Variants in MAP2 observed in about 807,000 individuals in gnomAD.
The protein encoded by MAP2 is microtubule associated protein 2.
MAP2 carries 14 observed loss-of-function variants against 137.6 expected under a neutral mutation model. That is an observed-to-expected ratio of 0.10 (90% CI 0.07 to 0.16). The LOEUF is 0.16. Among genes scored for constraint, MAP2 ranks in the 10% least tolerant of loss-of-function variants. MAP2 has a pLI of 1.00. For missense variants in MAP2, 2,088 were observed against 2,191.5 expected, an observed-to-expected ratio of 0.95 and a Z score of 0.94; for synonymous variants, 786 against 782.3, an observed-to-expected ratio of 1.00 and a Z score of -0.08.
chr2:209,687,379 A>C (rs1437738848), intron 7 of MAP2, among the ~76,000 whole-genome samples: 4 of 151,932 alleles, frequency 2.6e-5, no homozygotes, highest in African/African-American at 9.7e-5. Flanking sequence ...TTTGTTTTGT[A>C]ATGCTTTGTT....
At chr2:209,440,274 G>A (rs570842770) in intron 1 of MAP2, among the ~76,000 whole-genome samples, 5 of 151,498 alleles carry the variant, frequency 3.3e-5, no homozygotes, top group African/African-American at 1.2e-4. Flanking sequence ...AATCCCAAAA[G>A]GTTTAACAAA....
At chr2:209,582,235 AT>A (rs199995764) in intron 3 of MAP2, among the ~76,000 whole-genome samples, 48 of 149,056 alleles carry the variant, frequency 3.2e-4, no homozygotes, top group African/African-American at 9.1e-4. Context: ...ACATCTGGTC[AT>A]TTTTTTTTTA....
At chr2:209,464,323 CA>C (rs1703602709) in intron 1 of MAP2, among the ~76,000 whole-genome samples, 1 of 152,072 alleles carries the variant, frequency 6.6e-6, no homozygotes, top group Non-Finnish European at 1.5e-5. Context: ...TAGGAACTCA[CA>C]ACCATCTATT....
At chr2:209,623,630 G>A (rs977185691) in intron 3 of MAP2, among the ~76,000 whole-genome samples, 1 of 152,056 alleles carries the variant, frequency 6.6e-6, no homozygotes, top group African/African-American at 2.4e-5. Context: ...AACTTAGAAG[G>A]TTTAATTTGC....
intron 2 of MAP2, among the ~76,000 whole-genome samples, chr2:209,538,521 C>T (rs573048568): frequency 2.1e-5 from 3 of 145,826 alleles, no homozygotes; most frequent in Non-Finnish European, 3.0e-5. Flanking sequence ...TCAGAGCAAA[C>T]GGACAGAAGA....
intron 3 of MAP2, among the ~76,000 whole-genome samples, chr2:209,600,297 T>C (rs2082605129): frequency 1.3e-5 from 2 of 152,208 alleles, no homozygotes; most frequent in South Asian, 4.1e-4. Flanking sequence ...ACAACCTAAA[T>C]TACACCACCT....
chr2:209,532,080 A>T (rs549392019), intron 2 of MAP2, among the ~76,000 whole-genome samples: 140 of 152,048 alleles, frequency 9.2e-4, no homozygotes, highest in Admixed American at 3.0e-3. Flanking sequence ...CTCTACAAAA[A>T]CTAAAAAAAT....
At chr2:209,697,292 T>C (rs1314330452) in intron 10 of MAP2, among the ~76,000 whole-genome samples, 2 of 152,186 alleles carry the variant, frequency 1.3e-5, no homozygotes, top group African/African-American at 4.8e-5. Flanking sequence ...TATCTTGGCA[T>C]TGTGCTCTAG....
intron 2 of MAP2, among the ~76,000 whole-genome samples, chr2:209,524,652 C>A (rs972992875): frequency 2.0e-5 from 3 of 151,934 alleles, no homozygotes; most frequent in African/African-American, 7.3e-5. Context: ...AATAATAGAG[C>A]TGGAAAAAGA....
At chr2:209,459,088 C>T (rs1326926798) in intron 1 of MAP2, among the ~76,000 whole-genome samples, 1 of 152,044 alleles carries the variant, frequency 6.6e-6, no homozygotes, top group African/African-American at 2.4e-5. Flanking sequence ...AATTTTTTCC[C>T]TAGTATTCTG....
chr2:209,558,484 C>A (rs1025602777), intron 2 of MAP2, among the ~76,000 whole-genome samples: 1 of 152,018 alleles, frequency 6.6e-6, no homozygotes, highest in Non-Finnish European at 1.5e-5. Context: ...CCACCACGCC[C>A]GGCCACACAT....
intron 2 of MAP2, among the ~76,000 whole-genome samples, chr2:209,542,471 G>A: frequency 6.6e-6 from 1 of 152,216 alleles, no homozygotes; most frequent in East Asian, 1.9e-4. Context: ...GAGTCAGCCT[G>A]TCCTTTGAAG....
At chr2:209,636,796 C>A (rs1043284883) in intron 4 of MAP2, among the ~76,000 whole-genome samples, 3 of 151,950 alleles carry the variant, frequency 2.0e-5, no homozygotes, top group African/African-American at 7.3e-5. Flanking sequence ...TTTCTCATGG[C>A]AGAGCTGAGT....
intron 2 of MAP2, among the ~76,000 whole-genome samples, chr2:209,534,717 A>G (rs1001326635): frequency 2.6e-4 from 40 of 152,170 alleles, no homozygotes; most frequent in African/African-American, 9.2e-4. Flanking sequence ...GAATATCTCA[A>G]TTGTCACAAT....
intron 10 of MAP2, among the ~76,000 whole-genome samples, 158 bp downstream of exon 10, chr2:209,697,209 T>C (rs942233601): frequency 2.6e-5 from 4 of 151,998 alleles, no homozygotes; most frequent in Non-Finnish European, 4.4e-5. Flanking sequence ...TTATTCTTTT[T>C]TCCCCCCTCC....
At chr2:209,707,885 G>A (rs1217309558) in intron 12 of MAP2, among the ~76,000 whole-genome samples, 2 of 152,016 alleles carry the variant, frequency 1.3e-5, no homozygotes, top group Non-Finnish European at 2.9e-5. Context: ...ATTTCATATA[G>A]TAAAAATTGT....
At chr2:209,519,363 T>C (rs986293237) in intron 2 of MAP2, among the ~76,000 whole-genome samples, 2 of 152,082 alleles carry the variant, frequency 1.3e-5, no homozygotes, top group Non-Finnish European at 2.9e-5. Flanking sequence ...TGTTAGCTAA[T>C]TGGCTTTCTC....
intron 1 of MAP2, among the ~76,000 whole-genome samples, chr2:209,489,356 A>C (rs1255864355): frequency 6.6e-6 from 1 of 152,232 alleles, no homozygotes; most frequent in East Asian, 1.9e-4. Flanking sequence ...AAAAGGCTGA[A>C]TGTCCCAAAT....
intron 1 of MAP2, among the ~76,000 whole-genome samples, chr2:209,467,050 T>C (rs1416271479): frequency 6.6e-6 from 1 of 152,230 alleles, no homozygotes; most frequent in Non-Finnish European, 1.5e-5. Flanking sequence ...CAAATTTTCC[T>C]TATTTTTAAG....
Sources: allele counts gnomAD v4.1 joint callset (sites outside exome capture counted in the v4.1 genomes callset), GRCh38; gene constraint gnomAD v4.1.1; transcripts MANE v1.5; gene names NCBI Gene and HGNC (gene_info 2026-07-23, HGNC 2026-07-21).